The following DNAJA3 variants were observed in gnomAD, a reference collection of about 807,000 sequenced individuals.
DNAJA3 encodes the protein DnaJ heat shock protein family (Hsp40) member A3.
Under a neutral mutation model 54.9 loss-of-function variants are expected in DNAJA3, and 29 were observed. That is an observed-to-expected ratio of 0.53 (90% CI 0.39 to 0.72). The LOEUF is 0.72. Among genes scored for constraint, DNAJA3 ranks in the 30% least tolerant of loss-of-function variants. The pLI is 0.00. For missense variants in DNAJA3, 708 were observed against 639.4 expected (o/e 1.11, Z -1.16); for synonymous variants, 302 against 251.4 (o/e 1.20, Z -1.90).
chr16:4,441,143 G>C, intron 3 of DNAJA3: 1 of 557,426 alleles, frequency 1.8e-6, no homozygotes, highest in Non-Finnish European at 3.1e-6. Flanking sequence ...GCGACGGCGG[G>C]AGAGTTCGTG....
At chr16:4,454,045 C>T (rs1477795069) in intron 10 of DNAJA3, among the ~76,000 whole-genome samples, 1 of 152,168 alleles carries the variant, frequency 6.6e-6, no homozygotes, top group African/African-American at 2.4e-5. Flanking sequence ...AGCCTGGGCC[C>T]TAAAGAAATT....
chr16:4,441,239 C>G (rs969891866), intron 3 of DNAJA3, 136 bp from the exon 4 acceptor site: 1 of 771,622 alleles, frequency 1.3e-6, no homozygotes, highest in African/African-American at 1.8e-5. Context: ...ACAGGCCCAC[C>G]CCAACCTCAT....
At position 4,455,535 on chromosome 16, in the gene DNAJA3, C is replaced by G; in HGVS notation, c.*14-11C>G. 6.4e-7 allele frequency: 1 copy of G among 1,551,780 alleles called. No homozygotes were observed. Among genetic ancestry groups the G allele is most frequent in the Non-Finnish European group, 8.7e-7 (1 of 1,146,984 alleles). On this transcript the variant is annotated splice_polypyrimidine_tract_variant and intron_variant, in intron 11 of 11. Coordinates refer to ENST00000262375, the MANE Select transcript of DNAJA3 (RefSeq NM_005147.6). Reference sequence around the variant, plus strand: ...TTGAGTATAAGGTAACAGCCTATCTCTTTGGCTCAGGAAAAAGATCCACTG... The same window carrying G: ...TTGAGTATAAGGTAACAGCCTATCTGTTTGGCTCAGGAAAAAGATCCACTG...
intron 8 of DNAJA3, 194 bp downstream of exon 8, chr16:4,447,208 G>C (rs550264104): frequency 1.7e-6 from 1 of 605,246 alleles, no homozygotes; most frequent in Admixed American, 3.2e-5. Context: ...GTCTATAATC[G>C]CATGGGAAGC....
Position 4,455,754 on chromosome 16 carries a change from A to G in DNAJA3, c.*222A>G, listed in dbSNP as rs2141401387. On this transcript the variant is annotated 3_prime_UTR_variant, in exon 12 of 12. Transcript: ENST00000262375. The stretch of plus-strand genomic sequence containing the variant: ...CCCGGGCAGTAGGATGCAGCCCCAG[A>G]GGCTGGTGGCAGTTTCCTGTCCATT... 2 of 649,790 alleles carry G rather than the reference A, an allele frequency of 3.1e-6. No individual in the cohort carries two copies. The highest frequency in any genetic ancestry group is 5.5e-5 in the East Asian group (2 of 36,598). The allele number at this position is 649,790 out of a possible 1,614,324, so 40.3% of individuals were successfully genotyped here.
rs372950876 is a variant in DNAJA3, at chr16:4,441,427, G to A, written c.482G>A (p.Gly161Asp). The A allele has an allele frequency of 3.7e-6, 6 of 1,614,162 alleles. No individual in the cohort carries two copies. Among genetic ancestry groups the A allele is most frequent in the Non-Finnish European group, 5.1e-6 (6 of 1,180,038 alleles). The change falls in exon 4 of 12, where the codon GGC (glycine) becomes GAC (aspartate). Residue 161 changes from glycine to aspartate, a missense_variant. Transcript: ENST00000262375. ...RKQYDAYGSAGFDPGASGSQH... is the reference protein window; with the variant it reads ...RKQYDAYGSADFDPGASGSQH... ...CAGTACGATGCCTACGGCTCTGCAGGCTTCGATCCTGGGGCCAGCGGCTCC... is the reference window on the plus strand; with the variant it reads ...CAGTACGATGCCTACGGCTCTGCAGACTTCGATCCTGGGGCCAGCGGCTCC...
chr16:4,428,637 C>G (rs2056653050), intron 1 of DNAJA3, among the ~76,000 whole-genome samples: 1 of 152,186 alleles, frequency 6.6e-6, no homozygotes, highest in Non-Finnish European at 1.5e-5. Flanking sequence ...GGTTAGCTGT[C>G]TTGTTCCCCA....
intron 10 of DNAJA3, among the ~76,000 whole-genome samples, chr16:4,452,656 C>T (rs2056991663): frequency 6.6e-6 from 1 of 152,202 alleles, no homozygotes; most frequent in African/African-American, 2.4e-5. Flanking sequence ...CACCTATAAT[C>T]CCAGCACTTT....
chr16:4,451,194 T>C (rs895551042), intron 10 of DNAJA3, among the ~76,000 whole-genome samples: 1 of 152,236 alleles, frequency 6.6e-6, no homozygotes, highest in African/African-American at 2.4e-5. Flanking sequence ...CAGGGCAGGC[T>C]GTGCCCAGGG....
At chr16:4,428,179 C>T (rs1567321150) in intron 1 of DNAJA3, among the ~76,000 whole-genome samples, 1 of 152,100 alleles carries the variant, frequency 6.6e-6, no homozygotes, top group East Asian at 1.9e-4. Context: ...TCTCGATCTC[C>T]TGAACTTGTG....
rs749046322 is a variant in DNAJA3 at position 4,442,985 on chromosome 16, A to G, written c.784-32A>G. ...GAACCACCCATCAGTTTACCTGCGT[A>G]CTTAGGTTACCATTTTTCTTGTTTT... On this transcript the variant is annotated intron_variant, in intron 5 of 11. Transcript: ENST00000262375. 4.4e-6 allele frequency: 7 copies of G among 1,609,076 alleles called. No individual in the cohort carries two copies. In the South Asian group the frequency reaches 7.7e-5, roughly 18 times the overall value.
intron 2 of DNAJA3, among the ~76,000 whole-genome samples, chr16:4,435,247 A>C (rs962697688): frequency 5.3e-5 from 8 of 151,962 alleles, no homozygotes; most frequent in African/African-American, 1.9e-4. Flanking sequence ...CCCAGGGTCT[A>C]TTAGGGTAGT....
intron 1 of DNAJA3, among the ~76,000 whole-genome samples, chr16:4,429,460 A>G (rs563376252): frequency 5.9e-4 from 89 of 151,478 alleles, no homozygotes; most frequent in African/African-American, 2.1e-3. Context: ...TTTACCCATG[A>G]TCTGTCCACC....
chr16:4,444,772 C>G (rs1451351146), intron 7 of DNAJA3, 44 bp downstream of exon 7: 1 of 1,565,584 alleles, frequency 6.4e-7, no homozygotes, highest in Non-Finnish European at 8.8e-7. Context: ...CCTTTCCTCT[C>G]TTCGGGTGGG....
At chr16:4,435,368 T>A (rs144788962) in intron 2 of DNAJA3, among the ~76,000 whole-genome samples, 91 of 152,232 alleles carry the variant, frequency 6.0e-4, no homozygotes, top group African/African-American at 2.1e-3. Context: ...CATTGTAGGA[T>A]TGACAGCTTT....
At chr16:4,435,180 G>A (rs1217981271) in intron 2 of DNAJA3, among the ~76,000 whole-genome samples, 2 of 152,006 alleles carry the variant, frequency 1.3e-5, no homozygotes, top group African/African-American at 2.4e-5. Context: ...GATTACAGGC[G>A]TGAGCCACCG....
intron 3 of DNAJA3, chr16:4,437,769 G>T: frequency 1.2e-5 from 3 of 260,546 alleles, no homozygotes; most frequent in Non-Finnish European, 1.4e-5. Context: ...GGGCAATGTA[G>T]TAAGACCACG....
chr16:4,444,595 A>G (rs1359965319), intron 6 of DNAJA3, 69 bp from the exon 7 acceptor site: 1 of 1,413,236 alleles, frequency 7.1e-7, no homozygotes, highest in African/African-American at 1.4e-5. Context: ...CGGCCTCCCA[A>G]AGTGCTGGGA....
intron 4 of DNAJA3, among the ~76,000 whole-genome samples, chr16:4,441,875 G>C (rs890084344): frequency 6.6e-6 from 1 of 152,118 alleles, no homozygotes; most frequent in East Asian, 1.9e-4. Context: ...AGTTCTGTCC[G>C]GTGGGAAGGC....
Sources: gnomAD v4.1 joint callset for allele counts (sites outside exome capture counted in the v4.1 genomes callset) on GRCh38, gnomAD v4.1.1 for gene constraint, MANE v1.5 for transcripts, NCBI Gene and HGNC (gene_info 2026-07-23, HGNC 2026-07-21) for gene names.